PLCB4: variants seen among roughly 807,000 people sequenced by gnomAD.
The protein encoded by PLCB4 is 1-phosphatidylinositol 4,5-bisphosphate phosphodiesterase beta-4.
A neutral mutation model predicts 178.8 loss-of-function variants in PLCB4; 77 were observed. The ratio of observed to expected loss-of-function variants is 0.43; its 90% CI spans 0.36 to 0.52. The LOEUF is 0.52. Ranked by LOEUF, PLCB4 falls within the 20% of genes least tolerant of loss-of-function variation. The pLI is 0.00. For synonymous variants in PLCB4, 496 were observed against 490.8 expected (o/e 1.01, Z -0.14); for missense variants, 1,024 against 1,453.4 (o/e 0.70, Z 4.80).
At chr20:9,411,580 A>G (rs2039862418) in intron 25 of PLCB4, among the ~76,000 whole-genome samples, 1 of 152,226 alleles carries the variant, frequency 6.6e-6, no homozygotes, top group Admixed American at 6.5e-5. Flanking sequence ...CAGTTATCAA[A>G]GAATAATGCT....
rs2042886711 is a variant in PLCB4, at chr20:9,453,414, A to T, written c.2948A>T (p.Glu983Val). ...AAAATTGTGGCACAGTATGACAAAG[A>T]GAAGTCGACTCATGAGAAAATCCTA... ...VDKIVAQYDK[E>V]KSTHEKILEK... is the part of the protein sequence containing the mutation. The change falls in exon 33 of 40, where the codon GAG becomes GTG. Residue 983 changes from glutamate (E) to valine (V), a missense_variant. By Grantham distance (121) the Glu-to-Val change is moderately radical. Transcript: ENST00000378473. 1 of 1,612,822 alleles carries T rather than the reference A, an allele frequency of 6.2e-7. No individual in the cohort carries two copies. Among genetic ancestry groups the T allele is most frequent in the Non-Finnish European group, 8.5e-7 (1 of 1,179,204 alleles).
chr20:9,324,726 G>A (rs1036674111), intron 4 of PLCB4, among the ~76,000 whole-genome samples: 1 of 152,016 alleles, frequency 6.6e-6, no homozygotes, highest in African/African-American at 2.4e-5. Flanking sequence ...ACTTATTTTA[G>A]ACACAATAAA....
intron 1 of PLCB4, among the ~76,000 whole-genome samples, chr20:9,070,681 A>G (rs919886397): frequency 6.6e-6 from 1 of 152,182 alleles, no homozygotes; most frequent in African/African-American, 2.4e-5. Flanking sequence ...AAACATTTTT[A>G]TTGGCACTTT....
chr20:9,097,489 T>G (rs957479659), intron 2 of PLCB4, among the ~76,000 whole-genome samples: 1 of 152,070 alleles, frequency 6.6e-6, no homozygotes, highest in Non-Finnish European at 1.5e-5. Flanking sequence ...TCTGACCTTG[T>G]GCCATTATCC....
rs778923634 is a variant in PLCB4, at chr20:9,395,630, G to C, written c.1510+12G>C. 6.4e-7 allele frequency: 1 copy of C among 1,569,554 alleles called. No individual in the cohort carries two copies. The highest frequency in any genetic ancestry group is 8.8e-7 in the Non-Finnish European group (1 of 1,141,024). On this transcript the variant is annotated intron_variant, in intron 19 of 39. Coordinates refer to ENST00000378473, the MANE Select transcript of PLCB4 (RefSeq NM_001377142.1). ...GGAGATCGAAAGTGGTGAGCTGTTT[G>C]CTTTTATTTTAAGTTACATGCTTTG...
At chr20:9,338,828 C>A in intron 6 of PLCB4, 66 bp from the exon 7 acceptor site, 1 of 1,244,038 alleles carries the variant, frequency 8.0e-7, no homozygotes, top group Non-Finnish European at 1.1e-6. Flanking sequence ...TTCTTTTTAC[C>A]ACGTTTCTTC....
intron 19 of PLCB4, among the ~76,000 whole-genome samples, chr20:9,399,257 C>T (rs953214282): frequency 3.3e-5 from 5 of 152,180 alleles, no homozygotes; most frequent in East Asian, 3.9e-4. Context: ...TTAGTATCCA[C>T]GTAGGAAAGT....
chr20:9,226,438 A>G (rs997370721), intron 3 of PLCB4, among the ~76,000 whole-genome samples: 1 of 152,166 alleles, frequency 6.6e-6, no homozygotes, highest in Non-Finnish European at 1.5e-5. Context: ...GATTTTGGTG[A>G]TTTTTAAATT....
At position 9,074,832 on chromosome 20, in the gene PLCB4, A is replaced by T. The variant is rs56073106; in HGVS notation, c.-135+5626A>T. On this transcript the variant is annotated intron_variant, in intron 1 of 39. Transcript: ENST00000378473. The stretch of plus-strand genomic sequence containing the variant: ...TAAACAAAACAAAACAAAACAAAAC[A>T]AAACAAAACAAAACAAAACATATTA... Among the ~76,000 whole-genome samples the T allele has an allele frequency of 2.4e-3, 316 of 131,206 alleles. 42 individuals carry two copies. The highest frequency in any genetic ancestry group is 0.012 in the Middle Eastern group (3 of 250). The allele number at this position is 131,206 out of a possible 152,430, so 86.1% of individuals were successfully genotyped here.
intron 28 of PLCB4, among the ~76,000 whole-genome samples, chr20:9,425,932 A>C (rs539869220): frequency 1.7e-3 from 259 of 152,230 alleles, no homozygotes; most frequent in Non-Finnish European, 2.9e-3. Context: ...TTCAAAATAT[A>C]CTTATATTTT....
intron 7 of PLCB4, among the ~76,000 whole-genome samples, chr20:9,355,391 C>T (rs953123484): frequency 6.6e-6 from 1 of 151,790 alleles, no homozygotes; most frequent in African/African-American, 2.4e-5. Context: ...TGTGCTGCAC[C>T]CATTAACTCG....
intron 2 of PLCB4, among the ~76,000 whole-genome samples, chr20:9,197,298 T>C (rs1240575194): frequency 1.3e-5 from 2 of 152,200 alleles, no homozygotes; most frequent in African/African-American, 4.8e-5. Flanking sequence ...GGACCTGTGC[T>C]GTCCAATATG....
intron 36 of PLCB4, among the ~76,000 whole-genome samples, chr20:9,471,981 G>A (rs1020353948): frequency 3.3e-5 from 5 of 152,148 alleles, no homozygotes; most frequent in African/African-American, 7.2e-5. Context: ...CAGGGCCCAC[G>A]CACCCGATCG....
rs1050015124 is a variant in PLCB4 at position 9,313,769 on chromosome 20, C to T, written c.84+5871C>T. 9.2e-5 allele frequency among the ~76,000 whole-genome samples: 14 copies of T among 152,276 alleles called. No individual in the cohort carries two copies. The East Asian group carries it at 1.5e-3, about 17-fold the overall frequency. ...TAGTTTGGACGGCAGCTGTACTCAC[C>T]GCTATACCACCACCACCACTGGCTG... On this transcript the variant is annotated intron_variant, in intron 4 of 39. Coordinates refer to ENST00000378473, the MANE Select transcript of PLCB4 (RefSeq NM_001377142.1).
chr20:9,478,847 A>G, intron 39 of PLCB4, 74 bp from the exon 40 acceptor site: 1 of 1,052,596 alleles, frequency 9.5e-7, no homozygotes, highest in Non-Finnish European at 1.5e-6. Context: ...TTATGGGAGA[A>G]GAGAGGCCAG....
chr20:9,315,805 C>T lies in PLCB4; in HGVS notation c.84+7907C>T, dbSNP rs569891590. ...AAAATTAGCCAGGCATGGTGGTGCGCGCCTGTAGTCCCAGCAACTCAGGAG... is the reference window on the plus strand; with the variant it reads ...AAAATTAGCCAGGCATGGTGGTGCGTGCCTGTAGTCCCAGCAACTCAGGAG... On this transcript the variant is annotated intron_variant, in intron 4 of 39. Transcript: ENST00000378473. 6.6e-5 allele frequency among the ~76,000 whole-genome samples: 10 copies of T among 152,026 alleles called. No individual in the cohort carries two copies. In the South Asian group the frequency reaches 1.0e-3, roughly 16 times the overall value.
At chr20:9,225,417 T>G (rs2093851229) in intron 3 of PLCB4, among the ~76,000 whole-genome samples, 3 of 152,194 alleles carry the variant, frequency 2.0e-5, no homozygotes, top group Admixed American at 2.0e-4. Context: ...TACCTTCAGT[T>G]TACCTTCAAG....
At chr20:9,100,050 T>G (rs1252894481) in intron 2 of PLCB4, among the ~76,000 whole-genome samples, 1 of 152,200 alleles carries the variant, frequency 6.6e-6, no homozygotes. Flanking sequence ...TTTCTTGATG[T>G]CTGCCAGCAA....
intron 2 of PLCB4, among the ~76,000 whole-genome samples, chr20:9,141,008 G>A (rs2092479282): frequency 1.3e-5 from 2 of 152,114 alleles, no homozygotes; most frequent in Admixed American, 1.3e-4. Flanking sequence ...ATCCCCATTG[G>A]TGATACCATG....
Sources: allele counts gnomAD v4.1 joint callset (sites outside exome capture counted in the v4.1 genomes callset), GRCh38; gene constraint gnomAD v4.1.1; transcripts MANE v1.5; gene names NCBI Gene and HGNC (gene_info 2026-07-23, HGNC 2026-07-21).